The following CSMD1 variants were observed in gnomAD, a reference collection of about 807,000 sequenced individuals.
CSMD1 encodes the protein CUB and sushi domain-containing protein 1.
Under a neutral mutation model 417.5 loss-of-function variants are expected in CSMD1, and 213 were observed. The ratio of observed to expected loss-of-function variants is 0.51; its 90% CI spans 0.46 to 0.57. CSMD1 has a LOEUF of 0.57. CSMD1 is among the 20% of genes least tolerant of loss of function. CSMD1 has a pLI of 0.00. For synonymous variants in CSMD1, 2,862 were observed against 1,736.8 expected (o/e 1.65, Z -16.11); for missense variants, 6,923 against 4,529.7 (o/e 1.53, Z -15.17).
At chr8:4,060,250 A>T (rs898433660) in intron 3 of CSMD1, among the ~76,000 whole-genome samples, 36 of 152,118 alleles carry the variant, frequency 2.4e-4, no homozygotes, top group Admixed American at 8.5e-4. Flanking sequence ...ACAACCCTTC[A>T]TGCTAAAAAC....
At chr8:4,475,698 C>CCCG (rs397775477) in intron 2 of CSMD1, among the ~76,000 whole-genome samples, 3 of 1,588 alleles carry the variant, frequency 1.9e-3, no homozygotes, top group African/African-American at 7.4e-3. Context: ...CTCACTGCAG[C>CCCG]TGCCTCTGGG....
chr8:2,991,568 C>T (rs1041375190), intron 54 of CSMD1, among the ~76,000 whole-genome samples: 4 of 152,042 alleles, frequency 2.6e-5, no homozygotes, highest in Admixed American at 2.0e-4. Context: ...TAACAACAGA[C>T]GTGGTTCAAA....
At chr8:4,648,721 T>C (rs558139320) in intron 1 of CSMD1, among the ~76,000 whole-genome samples, 2 of 152,210 alleles carry the variant, frequency 1.3e-5, no homozygotes, top group Non-Finnish European at 2.9e-5. Flanking sequence ...TCAGTGTCTT[T>C]GTGAATTTAG....
intron 3 of CSMD1, among the ~76,000 whole-genome samples, chr8:4,037,158 T>C (rs1309292655): frequency 2.6e-5 from 4 of 152,234 alleles, no homozygotes; most frequent in South Asian, 2.1e-4. Flanking sequence ...AGCTCACATG[T>C]GTGTCAGTGT....
intron 10 of CSMD1, among the ~76,000 whole-genome samples, chr8:3,519,209 A>C (rs528523859): frequency 6.6e-6 from 1 of 152,318 alleles, no homozygotes; most frequent in Non-Finnish European, 1.5e-5. Context: ...CTGAAGGGCA[A>C]AATTACCAAC....
At chr8:2,997,089 G>A (rs1346674927) in intron 54 of CSMD1, among the ~76,000 whole-genome samples, 1 of 152,226 alleles carries the variant, frequency 6.6e-6, no homozygotes, top group Non-Finnish European at 1.5e-5. Flanking sequence ...GGTTTCCTTT[G>A]CATTCTGCAC....
At chr8:4,368,102 G>A (rs565029142) in intron 3 of CSMD1, among the ~76,000 whole-genome samples, 2 of 152,236 alleles carry the variant, frequency 1.3e-5, no homozygotes, top group South Asian at 4.1e-4. Context: ...CTCAAGGGGA[G>A]TGCTTCTAGC....
chr8:4,686,914 T>A (rs62484579), intron 1 of CSMD1, among the ~76,000 whole-genome samples: 11,957 of 152,202 alleles, frequency 0.079, 531 homozygotes, highest in Middle Eastern at 0.12. Context: ...TTCCTGGTGC[T>A]GGAAGAATGG....
At chr8:3,965,607 T>G (rs1187360214) in intron 5 of CSMD1, among the ~76,000 whole-genome samples, 1 of 152,010 alleles carries the variant, frequency 6.6e-6, no homozygotes. Flanking sequence ...TTTTAAAATT[T>G]CTTTTTATTT....
At chr8:3,476,571 C>T (rs10110772) in intron 11 of CSMD1, among the ~76,000 whole-genome samples, 91,846 of 151,746 alleles carry the variant, frequency 0.61, 28,548 homozygotes, top group Middle Eastern at 0.73. Flanking sequence ...AAAGGTTACA[C>T]AGAACATACA....
intron 50 of CSMD1, among the ~76,000 whole-genome samples, chr8:3,037,054 A>G (rs1237497524): frequency 6.6e-6 from 1 of 152,180 alleles, no homozygotes; most frequent in African/African-American, 2.4e-5. Flanking sequence ...GCTCCCACTT[A>G]AAAGTGAGAA....
chr8:4,587,703 T>A (rs1225318165), intron 2 of CSMD1, among the ~76,000 whole-genome samples: 1 of 152,166 alleles, frequency 6.6e-6, no homozygotes, highest in East Asian at 1.9e-4. Flanking sequence ...GTTAAGAGAT[T>A]TTCTCCACTT....
At chr8:4,214,747 T>A (rs1034516515) in intron 3 of CSMD1, among the ~76,000 whole-genome samples, 2 of 152,192 alleles carry the variant, frequency 1.3e-5, no homozygotes, top group African/African-American at 4.8e-5. Context: ...ATTCCCATAT[T>A]TGACATATTT....
chr8:4,035,475 G>A (rs371967552), intron 3 of CSMD1, among the ~76,000 whole-genome samples: 4 of 142,854 alleles, frequency 2.8e-5, no homozygotes, highest in African/African-American at 1.2e-4. Context: ...TATTATCCTA[G>A]GAGATGAAAG....
intron 5 of CSMD1, among the ~76,000 whole-genome samples, chr8:3,994,215 C>G (rs559883695): frequency 7.9e-5 from 12 of 151,678 alleles, no homozygotes; most frequent in Non-Finnish European, 1.0e-4. Flanking sequence ...TCTACACATT[C>G]CCTGTCACAG....
chr8:4,941,801 G>C (rs1428364926), intron 1 of CSMD1, among the ~76,000 whole-genome samples: 3 of 151,980 alleles, frequency 2.0e-5, no homozygotes, highest in African/African-American at 4.8e-5. Context: ...GTCTCCCCAT[G>C]TTGCCCAGGA....
At chr8:3,509,821 G>A (rs964712884) in intron 10 of CSMD1, among the ~76,000 whole-genome samples, 2 of 152,070 alleles carry the variant, frequency 1.3e-5, no homozygotes, top group African/African-American at 4.8e-5. Context: ...CCAGCCAGGT[G>A]TGAGGCTAGC....
chr8:3,954,007 C>G (rs1157506128), intron 5 of CSMD1, among the ~76,000 whole-genome samples: 1 of 152,176 alleles, frequency 6.6e-6, no homozygotes, highest in East Asian at 1.9e-4. Context: ...GCCTCCAGGT[C>G]TCAGCGCCAC....
intron 5 of CSMD1, among the ~76,000 whole-genome samples, chr8:3,764,285 C>T (rs1162793412): frequency 1.3e-5 from 2 of 152,208 alleles, no homozygotes; most frequent in African/African-American, 4.8e-5. Flanking sequence ...CGTCCAAACC[C>T]TGGTGTCTCT....
Sources: allele counts gnomAD v4.1 joint callset (sites outside exome capture counted in the v4.1 genomes callset), GRCh38; gene constraint gnomAD v4.1.1; transcripts MANE v1.5; gene names NCBI Gene and HGNC (gene_info 2026-07-23, HGNC 2026-07-21).